The following PDE7B variants were observed in gnomAD, a reference collection of about 807,000 sequenced individuals.
The protein encoded by PDE7B is phosphodiesterase 7B, also known as 3',5'-cyclic-AMP phosphodiesterase 7B.
In PDE7B, 29 loss-of-function variants were observed where a neutral mutation model predicts 56.2. The ratio of observed to expected loss-of-function variants is 0.52; its 90% CI spans 0.38 to 0.70. The LOEUF (loss-of-function observed/expected upper bound fraction) is 0.70. Ranked by LOEUF, PDE7B falls within the 30% of genes least tolerant of loss-of-function variation. The pLI is 0.00. For missense variants in PDE7B, 490 were observed against 565.0 expected, an observed-to-expected ratio of 0.87 and a Z score of 1.35; for synonymous variants, 197 against 196.9, an observed-to-expected ratio of 1.00 and a Z score of 0.00.
chr6:136,086,453 A>G (rs1235643159), intron 2 of PDE7B, among the ~76,000 whole-genome samples: 1 of 151,564 alleles, frequency 6.6e-6, no homozygotes, highest in Non-Finnish European at 1.5e-5. Context: ...GGGGGCTCCA[A>G]GCTGAATGAG....
At chr6:136,004,573 A>G (rs938284010) in intron 2 of PDE7B, among the ~76,000 whole-genome samples, 4 of 151,792 alleles carry the variant, frequency 2.6e-5, no homozygotes, top group African/African-American at 9.7e-5. Context: ...ACAAACAGAG[A>G]GCCAAATCAT....
Position 135,909,843 on chromosome 6 carries a change from G to T in PDE7B, c.22-37621G>T, listed in dbSNP as rs372140767. Among the ~76,000 whole-genome samples the T allele has an allele frequency of 7.9e-5, 12 of 152,252 alleles. No individual in the cohort carries two copies. In the South Asian group the frequency reaches 2.5e-3, roughly 32 times the overall value. On this transcript the variant is annotated intron_variant, in intron 1 of 12. Transcript: ENST00000308191. ...AGACAAAAGTGCAAGGTACAGCATTGCAAGGTCAGCAGCCGTAGACTCGGA... is the reference window on the plus strand; with the variant it reads ...AGACAAAAGTGCAAGGTACAGCATTTCAAGGTCAGCAGCCGTAGACTCGGA...
intron 2 of PDE7B, among the ~76,000 whole-genome samples, chr6:136,045,401 T>G (rs1202737003): frequency 6.6e-6 from 1 of 152,204 alleles, no homozygotes; most frequent in Non-Finnish European, 1.5e-5. Flanking sequence ...TATAAAATTA[T>G]TAGAGGCCCC....
intron 2 of PDE7B, among the ~76,000 whole-genome samples, chr6:136,010,186 A>G (rs927941881): frequency 2.0e-5 from 3 of 152,146 alleles, no homozygotes; most frequent in Admixed American, 6.6e-5. Flanking sequence ...GTCATTCAAG[A>G]GCATGTTGTT....
intron 3 of PDE7B, among the ~76,000 whole-genome samples, chr6:136,139,019 G>A (rs913494002): frequency 2.6e-5 from 4 of 152,066 alleles, no homozygotes; most frequent in Non-Finnish European, 4.4e-5. Flanking sequence ...TGCACGATGT[G>A]CAGGTTTGTT....
At chr6:135,896,472 C>G (rs1775903722) in intron 1 of PDE7B, among the ~76,000 whole-genome samples, 1 of 152,090 alleles carries the variant, frequency 6.6e-6, no homozygotes. Flanking sequence ...TTTTCTGCAC[C>G]CGTTCCTATC....
chr6:135,895,698 G>A (rs1775889378), intron 1 of PDE7B, among the ~76,000 whole-genome samples: 1 of 152,066 alleles, frequency 6.6e-6, no homozygotes, highest in African/African-American at 2.4e-5. Context: ...ACACTTAAAA[G>A]GACCAAGCAG....
intron 1 of PDE7B, among the ~76,000 whole-genome samples, chr6:135,902,804 GA>G (rs1776028782): frequency 6.6e-6 from 1 of 152,128 alleles, no homozygotes; most frequent in Non-Finnish European, 1.5e-5. Context: ...ACTATGACTA[GA>G]AGAAGAAAAA....
At chr6:135,857,889 A>G (rs1211421196) in intron 1 of PDE7B, among the ~76,000 whole-genome samples, 1 of 152,148 alleles carries the variant, frequency 6.6e-6, no homozygotes, top group Non-Finnish European at 1.5e-5. Context: ...CTTTTTAAAA[A>G]TTTCTGGAAA....
chr6:136,003,090 C>T (rs1389300189), intron 2 of PDE7B, among the ~76,000 whole-genome samples: 8 of 152,072 alleles, frequency 5.3e-5, no homozygotes, highest in African/African-American at 1.9e-4. Context: ...ACAACCTGCT[C>T]CTGAATGACT....
At position 136,070,139 on chromosome 6, in the gene PDE7B, G is replaced by A. The variant is rs1777021768; in HGVS notation, c.83-38592G>A. The A allele has an allele frequency of 4.0e-5, 6 of 148,634 alleles. No homozygotes were observed. The South Asian group carries it at 1.3e-3, about 31-fold the overall frequency. 9.2% of individuals were successfully genotyped at this position (148,634 alleles called of 1,614,324 possible). A position where few individuals can be genotyped will look rare whatever the true frequency, so the allele number is the denominator to read the frequency against. ...CTGCACTGTATCTTAAAGTATGAAA[G>A]CCTATATAAAAAAAAAAAAACAGAA... On this transcript the variant is annotated intron_variant, in intron 2 of 12. Coordinates refer to ENST00000308191, the MANE Select transcript of PDE7B (RefSeq NM_018945.4).
At chr6:135,985,154 T>C (rs1775355313) in intron 2 of PDE7B, among the ~76,000 whole-genome samples, 1 of 152,190 alleles carries the variant, frequency 6.6e-6, no homozygotes, top group South Asian at 2.1e-4. Context: ...ACTATTCTCG[T>C]AAGAAAAGGA....
At chr6:135,975,160 G>A (rs775866686) in intron 2 of PDE7B, among the ~76,000 whole-genome samples, 1 of 143,824 alleles carries the variant, frequency 7.0e-6, no homozygotes. Flanking sequence ...TTTGTTTTTT[G>A]TTTTTCAAGA....
chr6:136,134,542 C>G (rs1778176540), intron 3 of PDE7B, among the ~76,000 whole-genome samples: 1 of 151,958 alleles, frequency 6.6e-6, no homozygotes, highest in Admixed American at 6.6e-5. Context: ...TGATCTGCTT[C>G]TTACTAATTC....
At chr6:136,061,565 G>T (rs1011576251) in intron 2 of PDE7B, among the ~76,000 whole-genome samples, 20 of 152,142 alleles carry the variant, frequency 1.3e-4, no homozygotes. Context: ...ATGAAATTCA[G>T]ATGTAAAAAT....
chr6:136,047,499 G>A (rs963035536), intron 2 of PDE7B: 1 of 152,136 alleles, frequency 6.6e-6, no homozygotes, highest in Non-Finnish European at 1.5e-5. Flanking sequence ...AAAGAAAGTG[G>A]GGAGGGAATG....
chr6:136,026,928 A>C (rs1776162284), intron 2 of PDE7B, among the ~76,000 whole-genome samples: 1 of 152,214 alleles, frequency 6.6e-6, no homozygotes, highest in Admixed American at 6.5e-5. Flanking sequence ...CCTAACTCCC[A>C]ATGTGATGGT....
chr6:136,179,397 T>A (rs887241548), intron 10 of PDE7B, among the ~76,000 whole-genome samples: 4 of 152,100 alleles, frequency 2.6e-5, no homozygotes, highest in African/African-American at 4.8e-5. Flanking sequence ...ATCAATAATT[T>A]TAGCACATTT....
intron 2 of PDE7B, among the ~76,000 whole-genome samples, chr6:136,015,138 T>C (rs773545921): frequency 2.6e-5 from 4 of 152,238 alleles, no homozygotes. Flanking sequence ...CAGAATTCAC[T>C]TGAAGCTGGT....
Sources: allele counts gnomAD v4.1 joint callset (sites outside exome capture counted in the v4.1 genomes callset), GRCh38; gene constraint gnomAD v4.1.1; transcripts MANE v1.5; gene names NCBI Gene and HGNC (gene_info 2026-07-23, HGNC 2026-07-21).